The following CLASP1 variants were observed in gnomAD, a reference collection of about 807,000 sequenced individuals.
CLASP1 encodes the protein cytoplasmic linker associated protein 1, also known as CLIP-associating protein 1.
CLASP1 carries 38 observed loss-of-function variants against 192.3 expected under a neutral mutation model. That is an observed-to-expected ratio of 0.20 (90% CI 0.15 to 0.26). The LOEUF (loss-of-function observed/expected upper bound fraction) is 0.26, where lower values mean the gene tolerates loss of function less well. Among genes scored for constraint, CLASP1 ranks in the 10% least tolerant of loss-of-function variants. The pLI is 1.00. For missense variants in CLASP1, 1,433 were observed against 1,932.5 expected, an observed-to-expected ratio of 0.74 and a Z score of 4.85; for synonymous variants, 691 against 712.8, an observed-to-expected ratio of 0.97 and a Z score of 0.49.
intron 1 of CLASP1, among the ~76,000 whole-genome samples, chr2:121,622,309 G>A (rs944387591): frequency 3.3e-5 from 5 of 151,816 alleles, no homozygotes; most frequent in East Asian, 3.9e-4. Flanking sequence ...AGTGGCTCAC[G>A]CCTGTAATCC....
intron 34 of CLASP1, among the ~76,000 whole-genome samples, chr2:121,368,997 T>C (rs2068030014): frequency 6.6e-6 from 1 of 152,216 alleles, no homozygotes; most frequent in Non-Finnish European, 1.5e-5. Context: ...CCACAACCCC[T>C]GGTAACCTTT....
At chr2:121,585,591 G>C (rs1162276662) in intron 2 of CLASP1, among the ~76,000 whole-genome samples, 6 of 152,080 alleles carry the variant, frequency 3.9e-5, no homozygotes, top group Non-Finnish European at 8.8e-5. Flanking sequence ...AAGCAATCAA[G>C]AGCTCAGTCT....
At chr2:121,341,286 A>G (rs1023008506) in intron 39 of CLASP1, among the ~76,000 whole-genome samples, 4 of 152,224 alleles carry the variant, frequency 2.6e-5, no homozygotes, top group Admixed American at 2.0e-4. Context: ...GCACGACTGC[A>G]GCCCAAAGGC....
intron 8 of CLASP1, among the ~76,000 whole-genome samples, chr2:121,472,098 C>T (rs2090849506): frequency 6.6e-6 from 1 of 152,150 alleles, no homozygotes; most frequent in South Asian, 2.1e-4. Context: ...CAGTTCCAGT[C>T]TGTGGGACAG....
intron 33 of CLASP1, among the ~76,000 whole-genome samples, chr2:121,381,260 A>C (rs2071573135): frequency 6.6e-6 from 1 of 151,906 alleles, no homozygotes; most frequent in East Asian, 1.9e-4. Flanking sequence ...CAGAATGCAA[A>C]TCTGCACAAA....
At position 121,531,029 on chromosome 2, in the gene CLASP1, C is replaced by T. The variant is rs114408261; in HGVS notation, c.196-704G>A. ...AAAAATGAAAACCTGTTTTCATAGA[C>T]TTATCAGTTCAAACAGCAGTAATTC... On this transcript the variant is annotated intron_variant, in intron 2 of 39. Coordinates refer to ENST00000263710, the Ensembl canonical transcript of CLASP1. The T allele has an allele frequency of 8.2e-3, 5,751 of 700,186 alleles. 50 individuals carry two copies. The highest frequency in any genetic ancestry group is 0.011 in the Admixed American group (530 of 49,990). 43.4% of individuals were successfully genotyped at this position (700,186 alleles called of 1,614,324 possible).
chr2:121,392,658 G>C (rs931290649), intron 30 of CLASP1, among the ~76,000 whole-genome samples: 1 of 152,144 alleles, frequency 6.6e-6, no homozygotes, highest in Admixed American at 6.5e-5. Flanking sequence ...CCCAATGAGT[G>C]GCAGAGGCAG....
chr2:121,551,957 A>C (rs2058087279), intron 2 of CLASP1, among the ~76,000 whole-genome samples: 1 of 152,244 alleles, frequency 6.6e-6, no homozygotes, highest in Non-Finnish European at 1.5e-5. Context: ...ACTATACTAC[A>C]GTAACCAAAA....
At chr2:121,373,398 T>G (rs910101145) in intron 34 of CLASP1, among the ~76,000 whole-genome samples, 1 of 152,204 alleles carries the variant, frequency 6.6e-6, no homozygotes, top group Non-Finnish European at 1.5e-5. Flanking sequence ...TAGTTCTTTA[T>G]AGCAGTGTGA....
At chr2:121,362,074 G>C (rs78310228) in intron 37 of CLASP1, among the ~76,000 whole-genome samples, 2,205 of 152,326 alleles carry the variant, frequency 0.014, 52 homozygotes, top group African/African-American at 0.049. Context: ...TATGTAGACG[G>C]AAGAATTGTG....
intron 34 of CLASP1, among the ~76,000 whole-genome samples, chr2:121,368,695 G>A (rs926348105): frequency 3.9e-5 from 6 of 152,090 alleles, no homozygotes; most frequent in Non-Finnish European, 8.8e-5. Flanking sequence ...ACCCAACAAC[G>A]GTGGAAACAT....
chr2:121,367,609 C>G lies in CLASP1; in HGVS notation c.3865G>C (p.Asp1289His), dbSNP rs756386666. ...CAACCGTCTCGAAGCTGCTCCATGT[C>G]GTCATCGAACACAGCCTCTTTCAGG... is the stretch of plus-strand genomic sequence containing the variant. Residue 1289 changes from aspartate to histidine, a missense_variant, in exon 35 of 40, where the codon GAC becomes CAC. Physicochemically the swap from Asp to His is moderately conservative, Grantham distance 81. Transcript: ENST00000263710. 2 of 1,613,892 alleles carry G rather than the reference C, an allele frequency of 1.2e-6. No individual in the cohort carries two copies. Among genetic ancestry groups the G allele is most frequent in the Admixed American group, 1.7e-5 (1 of 60,014 alleles).
At chr2:121,367,909 A>G (rs917438660) in intron 34 of CLASP1, 78 bp from the exon 36 acceptor site, 7 of 1,552,292 alleles carry the variant, frequency 4.5e-6, no homozygotes, top group Non-Finnish European at 6.1e-6. Flanking sequence ...AATATTAAGA[A>G]GGCCAGAGAT....
chr2:121,622,294 G>C (rs1301324658), intron 1 of CLASP1, among the ~76,000 whole-genome samples: 1 of 152,030 alleles, frequency 6.6e-6, no homozygotes, highest in Non-Finnish European at 1.5e-5. Flanking sequence ...GTTCCGGCCA[G>C]GCACAGTGGC....
At chr2:121,487,176 G>A (rs1184761926) in intron 8 of CLASP1, among the ~76,000 whole-genome samples, 1 of 152,068 alleles carries the variant, frequency 6.6e-6, no homozygotes, top group East Asian at 1.9e-4. Context: ...TAAGCACTGG[G>A]TGTGGTCAGT....
At chr2:121,364,659 G>C (rs2067044824) in intron 36 of CLASP1, 1 of 185,322 alleles carries the variant, frequency 5.4e-6, no homozygotes, top group East Asian at 1.3e-4. Flanking sequence ...AACATATGTA[G>C]GGGGGGACCA....
intron 23 of CLASP1, among the ~76,000 whole-genome samples, chr2:121,417,602 G>C (rs2078815106): frequency 6.6e-6 from 1 of 152,208 alleles, no homozygotes; most frequent in Non-Finnish European, 1.5e-5. Flanking sequence ...AACAGGTATT[G>C]CCTCGCTAAA....
At chr2:121,499,523 A>C (rs2093661535) in intron 8 of CLASP1, among the ~76,000 whole-genome samples, 1 of 149,336 alleles carries the variant, frequency 6.7e-6, no homozygotes, top group South Asian at 2.1e-4. Flanking sequence ...AAAAAAAAAA[A>C]AACACTAAAG....
chr2:121,555,755 A>T (rs2058488394), intron 2 of CLASP1, among the ~76,000 whole-genome samples: 2 of 135,766 alleles, frequency 1.5e-5, no homozygotes. Context: ...ATCTTGGCTC[A>T]CTTGCAACCT....
Sources: allele counts gnomAD v4.1 joint callset (sites outside exome capture counted in the v4.1 genomes callset), GRCh38; gene constraint gnomAD v4.1.1; transcripts MANE v1.5; gene names NCBI Gene and HGNC (gene_info 2026-07-23, HGNC 2026-07-21).